CADPS: variants seen among roughly 807,000 people sequenced by gnomAD.
CADPS encodes calcium-dependent secretion activator 1.
Under a neutral mutation model 167.3 loss-of-function variants are expected in CADPS, and 57 were observed. The observed-to-expected ratio is 0.34, with a 90% confidence interval of 0.28 to 0.42. CADPS has a LOEUF of 0.42. Among genes scored for constraint, CADPS ranks in the 20% least tolerant of loss-of-function variants. The probability of loss-of-function intolerance (pLI) is 1.00; values close to 1 mark genes in which losing one functional copy is unlikely to be tolerated. For synonymous variants in CADPS, 676 were observed against 635.3 expected (o/e 1.06, Z -0.96); for missense variants, 1,414 against 1,738.1 (o/e 0.81, Z 3.32).
chr3:62,790,981 C>A (rs2092885351), intron 1 of CADPS, among the ~76,000 whole-genome samples: 1 of 140,130 alleles, frequency 7.1e-6, no homozygotes. Flanking sequence ...TCCTCAAGCA[C>A]ATGTGTTGGC....
intron 26 of CADPS, among the ~76,000 whole-genome samples, chr3:62,448,027 C>T (rs921333550): frequency 2.0e-5 from 3 of 152,256 alleles, no homozygotes; most frequent in East Asian, 3.9e-4. Flanking sequence ...CAATCGAGAA[C>T]GTAAAACCCA....
At chr3:62,635,792 A>C (rs1482762817) in intron 6 of CADPS, among the ~76,000 whole-genome samples, 1 of 152,032 alleles carries the variant, frequency 6.6e-6, no homozygotes, top group African/African-American at 2.4e-5. Context: ...AGCCCATCAC[A>C]TTGGGCCCCT....
At chr3:62,766,545 A>C (rs1323613666) in intron 1 of CADPS, among the ~76,000 whole-genome samples, 1 of 152,198 alleles carries the variant, frequency 6.6e-6, no homozygotes, top group African/African-American at 2.4e-5. Context: ...ATGCAGTATG[A>C]CCATATGCAG....
intron 6 of CADPS, chr3:62,626,536 T>G (rs983617321): frequency 1.4e-6 from 1 of 702,784 alleles, no homozygotes; most frequent in Admixed American, 2.0e-5. Flanking sequence ...CAAATGGCAC[T>G]GTGAGGCAGT....
chr3:62,686,232 C>T (rs1475390302), intron 3 of CADPS, among the ~76,000 whole-genome samples: 2 of 151,970 alleles, frequency 1.3e-5, no homozygotes, highest in East Asian at 3.9e-4. Context: ...TTTTAGCAAA[C>T]AGAAGAACAT....
chr3:62,842,644 C>G (rs2076805246), intron 1 of CADPS, among the ~76,000 whole-genome samples: 1 of 152,086 alleles, frequency 6.6e-6, no homozygotes, highest in Non-Finnish European at 1.5e-5. Flanking sequence ...TTAAAAATTC[C>G]ATGAAGGCAG....
intron 4 of CADPS, 129 bp downstream of exon 4, chr3:62,662,185 G>T: frequency 2.5e-6 from 2 of 791,334 alleles, no homozygotes; most frequent in East Asian, 2.6e-5. Context: ...GGCCCAATGA[G>T]GGTGATTGTC....
At chr3:62,770,628 G>T (rs1375541549) in intron 1 of CADPS, among the ~76,000 whole-genome samples, 6 of 152,154 alleles carry the variant, frequency 3.9e-5, no homozygotes, top group African/African-American at 1.4e-4. Context: ...GTTTTGCCAT[G>T]TTGATCAGGC....
intron 3 of CADPS, among the ~76,000 whole-genome samples, chr3:62,685,902 G>T (rs1348757236): frequency 1.3e-5 from 2 of 152,016 alleles, no homozygotes; most frequent in Non-Finnish European, 2.9e-5. Flanking sequence ...GTGGCCTGGG[G>T]GTTAGGGACC....
chr3:62,684,807 C>A (rs556190917), intron 3 of CADPS, among the ~76,000 whole-genome samples: 1 of 151,918 alleles, frequency 6.6e-6, no homozygotes, highest in Non-Finnish European at 1.5e-5. Context: ...GGACAGGATA[C>A]TTTAGTACAA....
chr3:62,408,484 AG>A (rs2048328969), intron 28 of CADPS, among the ~76,000 whole-genome samples: 1 of 152,174 alleles, frequency 6.6e-6, no homozygotes, highest in Admixed American at 6.5e-5. Context: ...ACCCCCTGGA[AG>A]GGATTAGGCT....
At chr3:62,435,507 A>G (rs939016617) in intron 28 of CADPS, among the ~76,000 whole-genome samples, 6 of 152,234 alleles carry the variant, frequency 3.9e-5, no homozygotes, top group Admixed American at 2.0e-4. Flanking sequence ...TTTTAAAATG[A>G]CAAATGTTTT....
chr3:62,762,655 TCA>T (rs2085781415), intron 2 of CADPS, among the ~76,000 whole-genome samples: 1 of 71,982 alleles, frequency 1.4e-5, no homozygotes. Context: ...AAACCCGGAC[TCA>T]AAAAAAAAAA....
chr3:62,679,553 T>C (rs2076825652), intron 3 of CADPS, among the ~76,000 whole-genome samples: 1 of 151,960 alleles, frequency 6.6e-6, no homozygotes, highest in Admixed American at 6.6e-5. Context: ...TCCATGTCTC[T>C]CATGAGAGCA....
chr3:62,567,560 A>T (rs1431258898), intron 9 of CADPS, among the ~76,000 whole-genome samples: 1 of 114,420 alleles, frequency 8.7e-6, no homozygotes, highest in Non-Finnish European at 1.7e-5. Context: ...ATGACTAAGC[A>T]CTGCTTTTTT....
intron 9 of CADPS, among the ~76,000 whole-genome samples, chr3:62,560,360 T>G (rs1949146): frequency 0.63 from 95,217 of 151,838 alleles, 30,959 homozygotes; most frequent in East Asian, 0.76. Flanking sequence ...TCCTCTGTCG[T>G]AGTAGAATTC....
chr3:62,500,458 A>G (rs972211216), intron 17 of CADPS: 1 of 152,168 alleles, frequency 6.6e-6, no homozygotes, highest in African/African-American at 2.4e-5. Context: ...GCCCGGCCAA[A>G]ACATAAAGGT....
intron 6 of CADPS, among the ~76,000 whole-genome samples, chr3:62,607,581 G>A (rs536182964): frequency 1.1e-4 from 17 of 152,236 alleles, no homozygotes; most frequent in African/African-American, 2.2e-4. Context: ...CAGAAGCAGC[G>A]CTTAGGGGTG....
chr3:62,429,645 T>G (rs1225254828), intron 28 of CADPS, among the ~76,000 whole-genome samples: 1 of 152,054 alleles, frequency 6.6e-6, no homozygotes, highest in Non-Finnish European at 1.5e-5. Context: ...ACACGCGTAC[T>G]TGTACATGTG....
Sources: gnomAD v4.1 joint callset for allele counts (sites outside exome capture counted in the v4.1 genomes callset) on GRCh38, gnomAD v4.1.1 for gene constraint, MANE v1.5 for transcripts, NCBI Gene and HGNC (gene_info 2026-07-23, HGNC 2026-07-21) for gene names.